Variants in OXSR1 observed in about 807,000 individuals in gnomAD.
OXSR1 encodes the protein serine/threonine-protein kinase OSR1.
Under a neutral mutation model 79.8 loss-of-function variants are expected in OXSR1, and 24 were observed. The observed-to-expected ratio is 0.30, with a 90% confidence interval of 0.22 to 0.42. The LOEUF (loss-of-function observed/expected upper bound fraction) is 0.42. Among genes scored for constraint, OXSR1 ranks in the 10% least tolerant of loss-of-function variants. The probability of loss-of-function intolerance (pLI) is 1.00; values close to 1 mark genes in which losing one functional copy is unlikely to be tolerated. For missense variants in OXSR1, 430 were observed against 618.4 expected (o/e 0.70, Z 3.23); for synonymous variants, 226 against 209.2 (o/e 1.08, Z -0.69).
In OXSR1 at chr3:38,220,130, T is replaced by A. The variant is rs192462415; in HGVS notation, c.491-1448T>A. 5.0e-3 allele frequency among the ~76,000 whole-genome samples: 766 copies of A among 152,190 alleles called. 3 individuals are homozygous for A. Among genetic ancestry groups the A allele is most frequent in the Middle Eastern group, 0.024 (7 of 294 alleles). ...CCAAGATTATTGTGTGTTTTTTTTT[T>A]ATAATTCTAAGTGCATTCAGACAAG... On this transcript the variant is annotated intron_variant, in intron 5 of 17. Transcript: ENST00000311806.
At position 38,165,791 on chromosome 3, in the gene OXSR1, C is replaced by T. The variant is rs927282429; in HGVS notation, c.-86C>T. On this transcript the variant is annotated 5_prime_UTR_variant, in exon 1 of 18. Transcript: ENST00000311806. ...GGTGGGGGCGCGGCGGCGGCGGCGG[C>T]GGCTGTTGGGGGTGGGGAGACGCGC... is the stretch of plus-strand genomic sequence containing the variant. 5.4e-5 allele frequency: 65 copies of T among 1,205,868 alleles called. No homozygotes were observed. The highest frequency in any genetic ancestry group is 7.6e-5 in the East Asian group (3 of 39,398). The allele number at this position is 1,205,868 out of a possible 1,614,324, so 74.7% of individuals were successfully genotyped here.
At chr3:38,213,084 A>G (rs1702418481) in intron 4 of OXSR1, among the ~76,000 whole-genome samples, 4 of 152,218 alleles carry the variant, frequency 2.6e-5, no homozygotes, top group African/African-American at 9.6e-5. Context: ...TCTGCTGAGA[A>G]TGGATTATTG....
intron 2 of OXSR1, among the ~76,000 whole-genome samples, chr3:38,188,617 G>A (rs910089422): frequency 6.6e-6 from 1 of 152,172 alleles, no homozygotes; most frequent in Non-Finnish European, 1.5e-5. Flanking sequence ...TTATGAAAAT[G>A]TATAATATAG....
At chr3:38,195,700 C>T (rs1468013166) in intron 3 of OXSR1, among the ~76,000 whole-genome samples, 2 of 152,186 alleles carry the variant, frequency 1.3e-5, no homozygotes, top group Admixed American at 6.6e-5. Flanking sequence ...AATTTTCAGA[C>T]TTATCAAGTG....
At chr3:38,234,559 C>T (rs1043532541) in intron 10 of OXSR1, among the ~76,000 whole-genome samples, 4 of 152,194 alleles carry the variant, frequency 2.6e-5, no homozygotes, top group African/African-American at 9.7e-5. Flanking sequence ...ACTTCACACC[C>T]ACTAGGATGG....
At position 38,255,289 on chromosome 3, in the gene OXSR1, C is replaced by T. The variant is rs558313807; in HGVS notation, c.*2398C>T. On this transcript the variant is annotated 3_prime_UTR_variant, in exon 18 of 18. Coordinates refer to ENST00000311806, the MANE Select transcript of OXSR1 (RefSeq NM_005109.3). ...GTTGGGTTTTTGCTTAAGTTTTGAA[C>T]CAAATCCTAGAGCCAGCTGATAATA... 1.3e-5 allele frequency: 2 copies of T among 152,674 alleles called. No homozygotes were observed. The highest frequency in any genetic ancestry group is 6.5e-5 in the Admixed American group (1 of 15,284). 9.5% of individuals were successfully genotyped at this position (152,674 alleles called of 1,614,324 possible).
At chr3:38,235,468 A>G (rs1006307199) in intron 10 of OXSR1, among the ~76,000 whole-genome samples, 6 of 152,256 alleles carry the variant, frequency 3.9e-5, no homozygotes, top group African/African-American at 1.4e-4. Context: ...TGAGAAAAAC[A>G]GAAGAAAGTA....
At chr3:38,180,525 CTTTTTTTTTTT>C (rs35081111) in intron 1 of OXSR1, among the ~76,000 whole-genome samples, 2 of 108,970 alleles carry the variant, frequency 1.8e-5, no homozygotes, top group African/African-American at 7.1e-5. Context: ...ATAGCTCCAA[CTTTTTTTTTTT>C]TTTTTTTTTT....
intron 3 of OXSR1, among the ~76,000 whole-genome samples, chr3:38,196,558 A>C (rs886765284): frequency 6.6e-6 from 1 of 152,218 alleles, no homozygotes. Flanking sequence ...TTCTTCTATA[A>C]ACTTTGTTCA....
chr3:38,198,673 A>T, intron 3 of OXSR1, 49 bp from the exon 4 acceptor site: 2 of 1,449,176 alleles, frequency 1.4e-6, no homozygotes, highest in Non-Finnish European at 1.9e-6. Context: ...GATCTGAATT[A>T]TATTGAATGA....
At chr3:38,235,193 T>TA (rs1341978951) in intron 10 of OXSR1, among the ~76,000 whole-genome samples, 1 of 152,188 alleles carries the variant, frequency 6.6e-6, no homozygotes. Context: ...TTGAATATAC[T>TA]AAAAATCATT....
chr3:38,182,236 G>C (rs1701800364), intron 1 of OXSR1, among the ~76,000 whole-genome samples: 1 of 152,128 alleles, frequency 6.6e-6, no homozygotes, highest in Admixed American at 6.5e-5. Flanking sequence ...GTGGATGTGG[G>C]GCCCTGGCTT....
At chr3:38,172,212 A>C (rs1701595533) in intron 1 of OXSR1, among the ~76,000 whole-genome samples, 1 of 152,210 alleles carries the variant, frequency 6.6e-6, no homozygotes, top group South Asian at 2.1e-4. Flanking sequence ...ATCTGTTTTT[A>C]ATGCTTAGTG....
intron 3 of OXSR1, chr3:38,193,392 C>G (rs538305159): frequency 2.3e-6 from 3 of 1,288,408 alleles, no homozygotes; most frequent in South Asian, 2.5e-5. Flanking sequence ...ATGGTTCTTT[C>G]AGTATGGAGA....
chr3:38,212,850 G>A (rs1267394315), intron 4 of OXSR1, among the ~76,000 whole-genome samples: 1 of 152,094 alleles, frequency 6.6e-6, no homozygotes, highest in Non-Finnish European at 1.5e-5. Context: ...CTTTAACTGG[G>A]GACTATATTG....
At chr3:38,184,175 A>G (rs1701837208) in intron 2 of OXSR1, among the ~76,000 whole-genome samples, 2 of 152,118 alleles carry the variant, frequency 1.3e-5, no homozygotes, top group Admixed American at 1.3e-4. Context: ...TGTACTGAGT[A>G]TTAGGGAATA....
chr3:38,218,858 A>T (rs1213253310), intron 5 of OXSR1, among the ~76,000 whole-genome samples: 2 of 152,094 alleles, frequency 1.3e-5, no homozygotes, highest in Non-Finnish European at 2.9e-5. Context: ...TAATTGCCTG[A>T]TTCCACCTTC....
chr3:38,208,993 CG>C (rs1702327269), intron 4 of OXSR1, among the ~76,000 whole-genome samples: 2 of 151,140 alleles, frequency 1.3e-5, no homozygotes, highest in African/African-American at 4.9e-5. Flanking sequence ...TGTGCGCGCG[CG>C]CGTGCGCGCA....
intron 15 of OXSR1, 51 bp downstream of exon 15, chr3:38,250,069 A>G (rs367865076): frequency 4.5e-5 from 53 of 1,171,518 alleles, no homozygotes; most frequent in African/African-American, 2.3e-4. Flanking sequence ...TTGTGATTCA[A>G]TGAAATGTGT....
Sources: allele counts gnomAD v4.1 joint callset (sites outside exome capture counted in the v4.1 genomes callset), GRCh38; gene constraint gnomAD v4.1.1; transcripts MANE v1.5; gene names NCBI Gene and HGNC (gene_info 2026-07-23, HGNC 2026-07-21).